Variants in PDE1C observed in about 807,000 individuals in gnomAD.
PDE1C encodes the protein dual specificity calcium/calmodulin-dependent 3',5'-cyclic nucleotide phosphodiesterase 1C.
A neutral mutation model predicts 93.1 loss-of-function variants in PDE1C; 62 were observed. That is an observed-to-expected ratio of 0.67 (90% CI 0.54 to 0.82). PDE1C has a LOEUF of 0.82. PDE1C is among the 40% of genes least tolerant of loss of function. PDE1C has a pLI of 0.00. For missense variants in PDE1C, 742 were observed against 884.6 expected, an observed-to-expected ratio of 0.84 and a Z score of 2.04; for synonymous variants, 325 against 310.1, an observed-to-expected ratio of 1.05 and a Z score of -0.50.
intron 2 of PDE1C, among the ~76,000 whole-genome samples, chr7:31,948,007 C>T (rs1279970507): frequency 4.6e-5 from 7 of 152,156 alleles, no homozygotes; most frequent in Admixed American, 3.3e-4. Flanking sequence ...CAACAAATTT[C>T]GAAAGACTAA....
At chr7:32,267,344 G>A (rs1810656390) in intron 1 of PDE1C, among the ~76,000 whole-genome samples, 1 of 152,192 alleles carries the variant, frequency 6.6e-6, no homozygotes, top group African/African-American at 2.4e-5. Flanking sequence ...GATGTCTCCA[G>A]GAATCTGTGG....
At chr7:32,024,443 G>T (rs1584495369) in intron 2 of PDE1C, among the ~76,000 whole-genome samples, 1 of 150,896 alleles carries the variant, frequency 6.6e-6, no homozygotes, top group Non-Finnish European at 1.5e-5. Flanking sequence ...GCTCATTTTA[G>T]TAAGAGCCTG....
At chr7:31,944,597 GC>G (rs1806346974) in intron 2 of PDE1C, among the ~76,000 whole-genome samples, 1 of 152,182 alleles carries the variant, frequency 6.6e-6, no homozygotes, top group Non-Finnish European at 1.5e-5. Context: ...CAGGCCGACA[GC>G]CTTATAACTT....
chr7:32,419,204 C>T (rs998673570), intron 1 of PDE1C, among the ~76,000 whole-genome samples: 25 of 152,098 alleles, frequency 1.6e-4, no homozygotes, highest in African/African-American at 6.0e-4. Context: ...GAAGAAAATA[C>T]AGGGGAACAA....
At chr7:31,744,550 A>G in the PDE1C span, among the ~76,000 whole-genome samples, 3 of 152,122 alleles carry the variant, frequency 2.0e-5, no homozygotes, top group Admixed American at 2.0e-4. Context: ...AATTAAATAA[A>G]CCAGTATAAT....
chr7:32,250,250 T>C (rs1809265630), intron 1 of PDE1C, among the ~76,000 whole-genome samples: 1 of 152,180 alleles, frequency 6.6e-6, no homozygotes, highest in African/African-American at 2.4e-5. Context: ...TATCCCCATT[T>C]TATAGATGAC....
intron 16 of PDE1C, chr7:31,786,403 C>T (rs1180547752): frequency 3.3e-5 from 5 of 149,760 alleles, no homozygotes; most frequent in Admixed American, 6.7e-5. Context: ...AATTTCCTAT[C>T]TCTGGTAATA....
At chr7:32,283,825 C>T (rs996815366) in intron 1 of PDE1C, among the ~76,000 whole-genome samples, 2 of 152,192 alleles carry the variant, frequency 1.3e-5, no homozygotes, top group Admixed American at 6.5e-5. Context: ...CCCTTCATCA[C>T]GCATCCAAAT....
the PDE1C span, among the ~76,000 whole-genome samples, chr7:31,621,107 T>G: frequency 1.3e-5 from 2 of 151,860 alleles, no homozygotes; most frequent in Non-Finnish European, 2.9e-5. Flanking sequence ...TGGGACTATG[T>G]GAAAAGACCA....
chr7:31,697,154 T>G, the PDE1C span: 1 of 1,609,544 alleles, frequency 6.2e-7, no homozygotes, highest in Non-Finnish European at 8.5e-7. Context: ...CAGGGGGTGA[T>G]GGGGACAGGT....
chr7:31,687,726 G>A, the PDE1C span, among the ~76,000 whole-genome samples: 4 of 152,074 alleles, frequency 2.6e-5, no homozygotes, highest in African/African-American at 4.8e-5. Flanking sequence ...TTTAAAAGAC[G>A]GTACTTTTTG....
chr7:31,960,286 G>A (rs925598654), intron 2 of PDE1C, among the ~76,000 whole-genome samples: 43 of 152,192 alleles, frequency 2.8e-4, no homozygotes, highest in African/African-American at 9.7e-4. Flanking sequence ...GACATCCTGT[G>A]CCTCCCTGTG....
chr7:32,188,601 C>T (rs1436834954), intron 2 of PDE1C, among the ~76,000 whole-genome samples: 1 of 152,054 alleles, frequency 6.6e-6, no homozygotes, highest in Non-Finnish European at 1.5e-5. Flanking sequence ...TTATGTCTTT[C>T]TGCTGCTATC....
At chr7:32,172,823 T>TAAAAAAAAA (rs70989638) in intron 2 of PDE1C, among the ~76,000 whole-genome samples, 1 of 104,456 alleles carries the variant, frequency 9.6e-6, no homozygotes, top group Non-Finnish European at 1.9e-5. Flanking sequence ...ACTCCATCTT[T>TAAAAAAAAA]AAAAAAAAAA....
chr7:31,668,530 A>G, the PDE1C span, among the ~76,000 whole-genome samples: 2 of 152,136 alleles, frequency 1.3e-5, no homozygotes, highest in Non-Finnish European at 2.9e-5. Flanking sequence ...TACTACAACA[A>G]TGTGGATAAA....
chr7:32,229,833 A>G (rs1189832883), intron 1 of PDE1C, among the ~76,000 whole-genome samples: 1 of 152,198 alleles, frequency 6.6e-6, no homozygotes, highest in African/African-American at 2.4e-5. Context: ...CATAAATGGA[A>G]TCTAACAAGA....
chr7:31,761,458 C>T (rs1470159865), intron 17 of PDE1C, among the ~76,000 whole-genome samples: 4 of 152,188 alleles, frequency 2.6e-5, no homozygotes, highest in East Asian at 3.8e-4. Flanking sequence ...GAAGTAACTA[C>T]ATTAAGGTCC....
At chr7:32,220,104 C>CTTT (rs10691851) in intron 1 of PDE1C, among the ~76,000 whole-genome samples, 114 of 148,356 alleles carry the variant, frequency 7.7e-4, no homozygotes, top group African/African-American at 2.2e-3. Context: ...CCTTAAACCT[C>CTTT]TTTTTTTTTT....
chr7:31,830,200 GA>G (rs375255914), intron 11 of PDE1C, among the ~76,000 whole-genome samples: 5,293 of 141,792 alleles, frequency 0.037, 128 homozygotes, highest in Middle Eastern at 0.12. Flanking sequence ...CTTACGAATT[GA>G]AAAAAAAAAA....
Sources: gnomAD v4.1 joint callset for allele counts (sites outside exome capture counted in the v4.1 genomes callset) on GRCh38, gnomAD v4.1.1 for gene constraint, MANE v1.5 for transcripts, NCBI Gene and HGNC (gene_info 2026-07-23, HGNC 2026-07-21) for gene names.